Variants in CEMIP observed in about 807,000 individuals in gnomAD.
The protein encoded by CEMIP is cell migration-inducing and hyaluronan-binding protein.
A neutral mutation model predicts 156.9 loss-of-function variants in CEMIP; 105 were observed. That is an observed-to-expected ratio of 0.67 (90% CI 0.57 to 0.79). The LOEUF is 0.79. Ranked by LOEUF, CEMIP falls within the 30% of genes least tolerant of loss-of-function variation. The pLI is 0.00. For synonymous variants in CEMIP, 676 were observed against 668.4 expected, an observed-to-expected ratio of 1.01 and a Z score of -0.17; for missense variants, 1,457 against 1,769.4, an observed-to-expected ratio of 0.82 and a Z score of 3.17.
Position 80,919,814 on chromosome 15 carries a change from CA to C in CEMIP, c.1798-267del, listed in dbSNP as rs11300537. ...TGGGCGACAAAGTGAGACTCCATCT[CA>C]AAAAAAAAAAAAGTCACCATCCCAT... On this transcript the variant is annotated intron_variant, in intron 14 of 29. Transcript: ENST00000394685. Among the ~76,000 whole-genome samples, 134,068 of 147,030 alleles carry C rather than the reference CA, an allele frequency of 0.91. 62,165 individuals are homozygous for C. Among genetic ancestry groups the C allele is most frequent in the East Asian group, 1 (4,985 of 4,990 alleles).
chr15:80,864,155 C>T (rs1898059666), intron 1 of CEMIP, among the ~76,000 whole-genome samples: 2 of 152,184 alleles, frequency 1.3e-5, no homozygotes, highest in African/African-American at 2.4e-5. Context: ...CTTACTGTTC[C>T]AGGACCCCAG....
chr15:80,826,599 TG>T (rs1381295228), intron 1 of CEMIP, among the ~76,000 whole-genome samples: 1 of 152,230 alleles, frequency 6.6e-6, no homozygotes, highest in African/African-American at 2.4e-5. Flanking sequence ...TTTTAAATTA[TG>T]CAGGCCTCAA....
In CEMIP at chr15:80,906,581, C is replaced by A; in HGVS notation, c.1412-82C>A. On this transcript the variant is annotated intron_variant, in intron 12 of 29. Transcript: ENST00000394685. This position sits in a 1 kb window ranked among gnomAD's most constrained non-coding sequence, Gnocchi z 4.3. Reference sequence around the variant, plus strand: ...GGCATGGCGATGAGTAAGCAGCAGCCATGGAGGCACCTGGCAGGGGCCCAG... The same window carrying A: ...GGCATGGCGATGAGTAAGCAGCAGCAATGGAGGCACCTGGCAGGGGCCCAG... 1 of 1,399,616 alleles carries A rather than the reference C, an allele frequency of 7.1e-7. No homozygotes were observed. The highest frequency in any genetic ancestry group is 9.9e-7 in the Non-Finnish European group (1 of 1,006,998). The allele number at this position is 1,399,616 out of a possible 1,614,324, so 86.7% of individuals were successfully genotyped here.
chr15:80,950,102 T>C lies in CEMIP; in HGVS notation c.*1178T>C, dbSNP rs557363116. ...GTGAGCTCCTGCCTTAGGGCCTCAT[T>C]TGCTCTTCATCCAGGGAACTGAGCA... On this transcript the variant is annotated 3_prime_UTR_variant, in exon 30 of 30. Coordinates refer to ENST00000394685, the MANE Select transcript of CEMIP (RefSeq NM_001293298.2). The C allele has an allele frequency of 6.6e-6, 1 of 152,376 alleles. No homozygotes were observed. Among genetic ancestry groups the C allele is most frequent in the East Asian group, 1.9e-4 (1 of 5,172 alleles). 9.4% of individuals were successfully genotyped at this position (152,376 alleles called of 1,614,324 possible). A position where few individuals can be genotyped will look rare whatever the true frequency, so the allele number is the denominator to read the frequency against.
At position 80,911,158 on chromosome 15, in the gene CEMIP, T is replaced by C. The variant is rs1262771273; in HGVS notation, c.1797+1852T>C. 2.0e-5 allele frequency among the ~76,000 whole-genome samples: 3 copies of C among 152,214 alleles called. No homozygotes were observed. The East Asian group carries it at 5.8e-4, about 29-fold the overall frequency. On this transcript the variant is annotated intron_variant, in intron 14 of 29. Coordinates refer to ENST00000394685, the MANE Select transcript of CEMIP (RefSeq NM_001293298.2). ...GAGCAAGCAGAGAACATGGAAAGCATGGAGCCCAGTGTGTGGCCCACACTT... is the reference window on the plus strand; with the variant it reads ...GAGCAAGCAGAGAACATGGAAAGCACGGAGCCCAGTGTGTGGCCCACACTT...
rs141006148 is a variant in CEMIP at position 80,842,005 on chromosome 15, T to C, written c.-175-31533T>C. 170 of 459,634 alleles carry C rather than the reference T, an allele frequency of 3.7e-4. 4 individuals are homozygous for C. In the Middle Eastern group the frequency reaches 5.3e-3, roughly 14 times the overall value. 28.5% of individuals were successfully genotyped at this position (459,634 alleles called of 1,614,324 possible). ...CTGGGATATATTAAGAGCTCATCCA[T>C]AGTTGTCACTGATTTGAGACAGTGA... On this transcript the variant is annotated intron_variant, in intron 1 of 29. Coordinates refer to ENST00000394685, the MANE Select transcript of CEMIP (RefSeq NM_001293298.2).
In CEMIP at chr15:80,836,623, A is replaced by G. The variant is rs372439070; in HGVS notation, c.-175-36915A>G. On this transcript the variant is annotated intron_variant, in intron 1 of 29. Coordinates refer to ENST00000394685, the MANE Select transcript of CEMIP (RefSeq NM_001293298.2). Reference sequence around the variant, plus strand: ...CTTTTGTTTTTCCTTTTCCTCCTGGATTTTCTGCCTCCTTACCTCCTGGGT... The same window carrying G: ...CTTTTGTTTTTCCTTTTCCTCCTGGGTTTTCTGCCTCCTTACCTCCTGGGT... Among the ~76,000 whole-genome samples, 332 of 147,068 alleles carry G rather than the reference A, an allele frequency of 2.3e-3. 3 individuals are homozygous for G. The highest frequency in any genetic ancestry group is 3.1e-3 in the Non-Finnish European group (202 of 66,184).
chr15:80,904,690 A>C (rs1899719749), intron 12 of CEMIP, among the ~76,000 whole-genome samples: 1 of 152,196 alleles, frequency 6.6e-6, no homozygotes, highest in South Asian at 2.1e-4. Flanking sequence ...GTCATGAGCC[A>C]AGGAACACAG....
chr15:80,873,910 T>C lies in CEMIP; in HGVS notation c.31T>C (p.Phe11Leu), dbSNP rs754067787. The C allele has an allele frequency of 2.0e-5, 31 of 1,581,692 alleles. No individual in the cohort carries two copies. In the South Asian group the frequency reaches 2.3e-4, roughly 12 times the overall value. Residue 11 changes from phenylalanine (F) to leucine (L), a missense_variant, in exon 3 of 30, where the codon TTC (phenylalanine) becomes CTC (leucine). Transcript: ENST00000394685. MGAAGRQDFLFKAMLTISWLT... is the reference protein window; with the variant it reads MGAAGRQDFLLKAMLTISWLT... ...AGCTGCTGGGAGGCAGGACTTCCTCTTCAAGGCCATGCTGACCATCAGCTG... is the reference window on the plus strand; with the variant it reads ...AGCTGCTGGGAGGCAGGACTTCCTCCTCAAGGCCATGCTGACCATCAGCTG...
At chr15:80,874,976 T>G (rs1898421246) in intron 3 of CEMIP, among the ~76,000 whole-genome samples, 1 of 151,916 alleles carries the variant, frequency 6.6e-6, no homozygotes, top group Non-Finnish European at 1.5e-5. Flanking sequence ...TTCACTGTGA[T>G]TTTTTGAAGA....
At chr15:80,836,938 T>A (rs1897283490) in intron 1 of CEMIP, among the ~76,000 whole-genome samples, 1 of 152,220 alleles carries the variant, frequency 6.6e-6, no homozygotes, top group Non-Finnish European at 1.5e-5. Context: ...CCTGGCTGCC[T>A]TGAGTTCTAT....
intron 1 of CEMIP, among the ~76,000 whole-genome samples, chr15:80,864,489 G>A (rs148251732): frequency 2.6e-4 from 39 of 152,292 alleles, no homozygotes; most frequent in African/African-American, 8.4e-4. Context: ...GGGTAATGGC[G>A]ACACACTGAC....
intron 25 of CEMIP, among the ~76,000 whole-genome samples, 198 bp from the exon 26 acceptor site, chr15:80,941,651 C>T (rs1901340582): frequency 6.6e-6 from 1 of 152,192 alleles, no homozygotes; most frequent in Admixed American, 6.5e-5. Flanking sequence ...AATTGCCATT[C>T]TCATTAGCTT....
intron 12 of CEMIP, among the ~76,000 whole-genome samples, chr15:80,905,187 G>A (rs1355468456): frequency 6.6e-6 from 1 of 152,220 alleles, no homozygotes; most frequent in Non-Finnish European, 1.5e-5. Flanking sequence ...GTGTCTGGGG[G>A]CTGAGGCCAG....
At chr15:80,831,942 C>T (rs1897166277) in intron 1 of CEMIP, among the ~76,000 whole-genome samples, 1 of 152,188 alleles carries the variant, frequency 6.6e-6, no homozygotes, top group Admixed American at 6.5e-5. Flanking sequence ...AGGTGGGTTT[C>T]CAAAAGGAGT....
chr15:80,839,289 A>ATGTGTGTGTGTGTGTGTGT lies in CEMIP; in HGVS notation c.-175-34249_-175-34248insTGTGTGTGTGTGTGTGTGT, dbSNP rs71455356. ...TGAAGGCTGTGGAGTCAAGGCCGTG[A>ATGTGTGTGTGTGTGTGTGT]GTGTGTGTGTGTGTGTGTGTGTGTG... On this transcript the variant is annotated intron_variant, in intron 1 of 29. Transcript: ENST00000394685. Among the ~76,000 whole-genome samples the ATGTGTGTGTGTGTGTGTGT allele has an allele frequency of 4.7e-3, 618 of 131,160 alleles. 12 individuals are homozygous for ATGTGTGTGTGTGTGTGTGT. Among genetic ancestry groups the ATGTGTGTGTGTGTGTGTGT allele is most frequent in the African/African-American group, 0.018 (582 of 32,638 alleles). The allele number at this position is 131,160 out of a possible 152,430, so 86.0% of individuals were successfully genotyped here.
rs549234430 is a variant in CEMIP, at chr15:80,825,981, A to T, written c.-176+46367A>T. On this transcript the variant is annotated intron_variant, in intron 1 of 29. Transcript: ENST00000394685. ...CTCTGTTTGTATGACATACAGACTC[A>T]CCTTTTAGACTCTCCCACCTACAAT... is the stretch of plus-strand genomic sequence containing the variant. Among the ~76,000 whole-genome samples, 4 of 152,238 alleles carry T rather than the reference A, an allele frequency of 2.6e-5. No individual in the cohort carries two copies. In the South Asian group the frequency reaches 8.3e-4, roughly 32 times the overall value.
intron 23 of CEMIP, among the ~76,000 whole-genome samples, chr15:80,934,441 ATTG>A (rs1204228443): frequency 6.6e-6 from 1 of 152,206 alleles, no homozygotes; most frequent in Non-Finnish European, 1.5e-5. Flanking sequence ...TTATTATATT[ATTG>A]TTACTTCTAG....
chr15:80,798,838 AT>A (rs1412322418), intron 1 of CEMIP, among the ~76,000 whole-genome samples: 2 of 152,070 alleles, frequency 1.3e-5, no homozygotes, highest in East Asian at 1.9e-4. Context: ...ATATTGATTT[AT>A]TTTTTAATGT....
Sources: gnomAD v4.1 joint callset for allele counts (sites outside exome capture counted in the v4.1 genomes callset) on GRCh38, gnomAD v4.1.1 for gene constraint, Gnocchi (gnomAD v3.1) non-coding constraint, MANE v1.5 for transcripts, NCBI Gene and HGNC (gene_info 2026-07-23, HGNC 2026-07-21) for gene names.